KIZ: variants seen among roughly 807,000 people sequenced by gnomAD.
The protein encoded by KIZ is centrosomal protein kizuna.
KIZ carries 68 observed loss-of-function variants against 79.6 expected under a neutral mutation model. The ratio of observed to expected loss-of-function variants is 0.85; its 90% CI spans 0.70 to 1.05. The LOEUF is 1.05. Among genes scored for constraint, KIZ ranks in the 50% least tolerant of loss-of-function variants. The pLI is 0.00. For missense variants in KIZ, 797 were observed against 800.4 expected, an observed-to-expected ratio of 1.00 and a Z score of 0.05; for synonymous variants, 280 against 281.8, an observed-to-expected ratio of 0.99 and a Z score of 0.06.
intron 7 of KIZ, among the ~76,000 whole-genome samples, chr20:21,208,643 C>T (rs1348475221): frequency 6.6e-6 from 1 of 151,080 alleles, no homozygotes; most frequent in African/African-American, 2.4e-5. Context: ...GCGGAGCTTG[C>T]GGTGACCGAG....
intron 6 of KIZ, among the ~76,000 whole-genome samples, chr20:21,201,723 TG>T (rs1600523994): frequency 6.6e-6 from 1 of 152,274 alleles, no homozygotes. Context: ...CATTAAACTT[TG>T]TTTTTTTATG....
chr20:21,214,320 A>G (rs765054545), intron 7 of KIZ, among the ~76,000 whole-genome samples: 2 of 152,162 alleles, frequency 1.3e-5, no homozygotes, highest in African/African-American at 2.4e-5. Context: ...CAAAAAGTGT[A>G]TTATTGTGAG....
At chr20:21,211,633 AAAG>A (rs2036071699) in intron 7 of KIZ, among the ~76,000 whole-genome samples, 1 of 152,230 alleles carries the variant, frequency 6.6e-6, no homozygotes, top group Admixed American at 6.5e-5. Context: ...GAGATGTAAT[AAAG>A]CAACCTGTTA....
chr20:21,207,871 C>T (rs555827027), intron 7 of KIZ, among the ~76,000 whole-genome samples: 39 of 152,038 alleles, frequency 2.6e-4, no homozygotes, highest in African/African-American at 4.6e-4. Flanking sequence ...CCACCATGCC[C>T]GGCTGATTTT....
At chr20:21,160,273 G>GACCAT (rs1286313270) in intron 4 of KIZ, among the ~76,000 whole-genome samples, 3 of 152,032 alleles carry the variant, frequency 2.0e-5, no homozygotes, top group Non-Finnish European at 4.4e-5. Flanking sequence ...ATCCCCCATG[G>GACCAT]ACCATATGCC....
rs2033936135 is a variant in KIZ at position 21,166,315 on chromosome 20, G to A, written c.1352+3156G>A. ...TACAATGAAACCAACTGGCAGGATG[G>A]AAGCAGATTATTCTGCCATTTTTCC... On this transcript the variant is annotated intron_variant, in intron 6 of 12. Transcript: ENST00000619189. 1.9e-6 allele frequency: 3 copies of A among 1,603,828 alleles called. No homozygotes were observed. The Admixed American group carries it at 5.0e-5, about 27-fold the overall frequency.
chr20:21,201,337 A>G (rs540937344), intron 6 of KIZ, among the ~76,000 whole-genome samples: 2 of 152,354 alleles, frequency 1.3e-5, no homozygotes, highest in African/African-American at 4.8e-5. Flanking sequence ...AAACATTTTA[A>G]TATAAAAATG....
intron 4 of KIZ, chr20:21,154,185 A>G (rs1428784066): frequency 1.3e-5 from 2 of 152,176 alleles, no homozygotes; most frequent in African/African-American, 2.4e-5. Context: ...GCTGCTTCTC[A>G]TTCCCTTGTC....
intron 4 of KIZ, among the ~76,000 whole-genome samples, chr20:21,154,854 T>A (rs1363088180): frequency 6.6e-6 from 1 of 152,184 alleles, no homozygotes; most frequent in African/African-American, 2.4e-5. Context: ...GACAGACTTT[T>A]AAAAAAGAAG....
rs2033744333 is a variant in KIZ at position 21,162,876 on chromosome 20, T to C, written c.1069T>C (p.Ser357Pro). Reference protein sequence around the residue: ...SDHLAHREPKSQKPFRKMQEE... With the variant: ...SDHLAHREPKPQKPFRKMQEE... ...TCATCTTGCTCACAGGGAACCAAAG[T>C]CACAAAAGCCCTTCAGAAAAATGCA... Residue 357 changes from serine to proline, a missense_variant, in exon 6 of 13, where the codon TCA becomes CCA. Physicochemically the swap from Ser to Pro is moderately conservative, Grantham distance 74 (BLOSUM62 -1). Coordinates refer to ENST00000619189, the MANE Select transcript of KIZ (RefSeq NM_018474.6). 1.9e-6 allele frequency: 3 copies of C among 1,613,138 alleles called. No homozygotes were observed. The highest frequency in any genetic ancestry group is 1.3e-5 in the African/African-American group (1 of 74,818).
At chr20:21,182,521 C>T (rs904243700) in intron 6 of KIZ, among the ~76,000 whole-genome samples, 8 of 152,226 alleles carry the variant, frequency 5.3e-5, no homozygotes, top group Non-Finnish European at 7.4e-5. Flanking sequence ...TAAGGCCAGG[C>T]GCAGTGGCTC....
At chr20:21,162,619 A>G in intron 5 of KIZ, 112 bp downstream of exon 5, 1 of 905,398 alleles carries the variant, frequency 1.1e-6, no homozygotes, top group Non-Finnish European at 1.6e-6. Flanking sequence ...TTTGCCAACA[A>G]ATTCCATTCT....
In KIZ at chr20:21,214,689, CA is replaced by C; in HGVS notation, c.1603del (p.Arg535GlyfsTer33). ...KPAVWLNSVP[T>X]REQEVSSGCG... ...GCTGTATGGCTCAACAGTGTTCCTA[CA>C]AGGGAACAAGGTAACTATTGTTAAA... is the stretch of plus-strand genomic sequence containing the variant. On this transcript the variant is annotated frameshift_variant, in exon 8 of 13. Coordinates refer to ENST00000619189, the MANE Select transcript of KIZ (RefSeq NM_018474.6). LOFTEE classifies it high-confidence loss of function. 1.2e-6 allele frequency: 2 copies of C among 1,607,586 alleles called. No homozygotes were observed. Among genetic ancestry groups the C allele is most frequent in the Non-Finnish European group, 1.7e-6 (2 of 1,174,424 alleles).
chr20:21,241,959 A>G (rs1301035321), intron 11 of KIZ, among the ~76,000 whole-genome samples: 3 of 152,180 alleles, frequency 2.0e-5, no homozygotes, highest in East Asian at 3.8e-4. Flanking sequence ...GAATAGAAAT[A>G]TGTAAATCAA....
intron 6 of KIZ, chr20:21,195,342 A>G (rs969094087): frequency 3.3e-5 from 5 of 152,246 alleles, no homozygotes; most frequent in Non-Finnish European, 7.3e-5. Flanking sequence ...GGTGCATTCT[A>G]TGGAAGAATT....
chr20:21,127,190 T>A (rs1756153924), intron 1 of KIZ, among the ~76,000 whole-genome samples: 1 of 152,240 alleles, frequency 6.6e-6, no homozygotes, highest in African/African-American at 2.4e-5. Context: ...CAGGCTTCCT[T>A]AATTGTCGTT....
intron 7 of KIZ, among the ~76,000 whole-genome samples, chr20:21,208,443 C>T (rs1273441540): frequency 6.6e-6 from 1 of 152,188 alleles, no homozygotes; most frequent in Non-Finnish European, 1.5e-5. Context: ...GTGGCTTACG[C>T]CTGTAATCCC....
At chr20:21,148,778 A>T (rs2032973304) in intron 4 of KIZ, 1 of 152,182 alleles carries the variant, frequency 6.6e-6, no homozygotes, top group Non-Finnish European at 1.5e-5. Context: ...TATGCTGTGA[A>T]ATATATTCTA....
intron 6 of KIZ, among the ~76,000 whole-genome samples, chr20:21,175,456 T>C (rs2034393728): frequency 6.6e-6 from 1 of 152,112 alleles, no homozygotes; most frequent in African/African-American, 2.4e-5. Flanking sequence ...GTCTCCATCC[T>C]TTGCCAGCCA....
Sources: gnomAD v4.1 joint callset for allele counts (sites outside exome capture counted in the v4.1 genomes callset) on GRCh38, gnomAD v4.1.1 for gene constraint, MANE v1.5 for transcripts, NCBI Gene and HGNC (gene_info 2026-07-23, HGNC 2026-07-21) for gene names.